Variants in SRPK2 observed in about 807,000 individuals in gnomAD.
SRPK2 encodes the protein SFRS protein kinase 2.
A neutral mutation model predicts 90.8 loss-of-function variants in SRPK2; 21 were observed. The observed-to-expected ratio is 0.23, with a 90% CI of 0.16 to 0.33. The LOEUF (loss-of-function observed/expected upper bound fraction) is 0.33. SRPK2 is among the 10% of genes least tolerant of loss of function. SRPK2 has a pLI of 1.00. For synonymous variants in SRPK2, 288 were observed against 311.1 expected (o/e 0.93, Z 0.78); for missense variants, 620 against 869.0 (o/e 0.71, Z 3.60).
At chr7:105,385,704 CAG>C (rs1821496055) in intron 2 of SRPK2, among the ~76,000 whole-genome samples, 1 of 152,188 alleles carries the variant, frequency 6.6e-6, no homozygotes, top group African/African-American at 2.4e-5. Flanking sequence ...TGCCATTTCT[CAG>C]AGAGTGGACT....
chr7:105,299,488 A>G lies in SRPK2; in HGVS notation c.71+89160T>C, dbSNP rs762089104. Among the ~76,000 whole-genome samples, 58 of 152,248 alleles carry G rather than the reference A, an allele frequency of 3.8e-4. 2 individuals carry two copies. Among genetic ancestry groups the G allele is most frequent in the Non-Finnish European group, 1.0e-4 (7 of 68,032 alleles). Reference sequence around the variant, plus strand: ...AGGAAAATTAGCAAAAGAAACATTAAGAAATTAAATATATTCATCTTTTAG... The same window carrying G: ...AGGAAAATTAGCAAAAGAAACATTAGGAAATTAAATATATTCATCTTTTAG... On this transcript the variant is annotated intron_variant, in intron 2 of 15. Coordinates refer to ENST00000393651, the MANE Select transcript of SRPK2 (RefSeq NM_182692.3).
At chr7:105,345,943 C>A (rs1816399654) in intron 2 of SRPK2, among the ~76,000 whole-genome samples, 1 of 152,268 alleles carries the variant, frequency 6.6e-6, no homozygotes. Flanking sequence ...TTTCCATAAT[C>A]ACAGAAAGTT....
intron 6 of SRPK2, among the ~76,000 whole-genome samples, chr7:105,165,724 C>T (rs974649697): frequency 1.3e-4 from 20 of 152,178 alleles, no homozygotes; most frequent in South Asian, 2.1e-4. Flanking sequence ...AACGTGGGCA[C>T]GGACAAATGA....
chr7:105,238,654 G>A (rs1800424238), intron 2 of SRPK2, among the ~76,000 whole-genome samples: 1 of 152,144 alleles, frequency 6.6e-6, no homozygotes, highest in Non-Finnish European at 1.5e-5. Context: ...TAGCCAGTCA[G>A]TTTGTATTAT....
At chr7:105,166,300 T>A (rs1790054786) in intron 6 of SRPK2, among the ~76,000 whole-genome samples, 1 of 152,240 alleles carries the variant, frequency 6.6e-6, no homozygotes, top group African/African-American at 2.4e-5. Flanking sequence ...GATTCAAATA[T>A]GTCTTTAAAA....
At chr7:105,225,538 AAG>A (rs1244972874) in intron 2 of SRPK2, among the ~76,000 whole-genome samples, 52 of 152,352 alleles carry the variant, frequency 3.4e-4, no homozygotes, top group South Asian at 2.9e-3. Flanking sequence ...AACCACTTTT[AAG>A]TATGACACAT....
intron 2 of SRPK2, among the ~76,000 whole-genome samples, chr7:105,218,206 C>G (rs1295736757): frequency 6.6e-6 from 1 of 152,148 alleles, no homozygotes; most frequent in African/African-American, 2.4e-5. Context: ...TTTTGACACC[C>G]TGGGGTGAAG....
intron 11 of SRPK2, 24 bp from the exon 12 acceptor site, chr7:105,133,128 A>G: frequency 6.2e-7 from 1 of 1,610,710 alleles, no homozygotes; most frequent in Non-Finnish European, 8.5e-7. Context: ...ACAGCAGGAC[A>G]GTTAGTGATC....
At chr7:105,201,968 A>C (rs1795616020) in intron 3 of SRPK2, among the ~76,000 whole-genome samples, 1 of 152,238 alleles carries the variant, frequency 6.6e-6, no homozygotes, top group South Asian at 2.1e-4. Flanking sequence ...CGAAGACAGT[A>C]TAAGAAATGA....
intron 2 of SRPK2, among the ~76,000 whole-genome samples, chr7:105,344,406 CCTTTTTTT>C (rs149945242): frequency 0.095 from 12,272 of 128,508 alleles, 740 homozygotes; most frequent in East Asian, 0.2. Context: ...TGCAGCCACA[CCTTTTTTT>C]TTTTTTTTTT....
chr7:105,311,196 AAAAT>A (rs560841022), intron 2 of SRPK2, among the ~76,000 whole-genome samples: 1,533 of 152,332 alleles, frequency 0.01, 11 homozygotes, highest in Middle Eastern at 0.024. Flanking sequence ...CACCAACAAA[AAAAT>A]AAATAACCCA....
At chr7:105,368,616 G>A (rs556976414) in intron 2 of SRPK2, among the ~76,000 whole-genome samples, 4 of 152,184 alleles carry the variant, frequency 2.6e-5, no homozygotes, top group East Asian at 1.9e-4. Flanking sequence ...TGGCCACGGC[G>A]GCTCAAGCCT....
intron 3 of SRPK2, among the ~76,000 whole-genome samples, chr7:105,192,634 T>C (rs190221341): frequency 3.3e-5 from 5 of 152,326 alleles, no homozygotes; most frequent in Admixed American, 6.5e-5. Flanking sequence ...CTGGTTTCCA[T>C]AGTGGCTGTA....
intron 2 of SRPK2, among the ~76,000 whole-genome samples, chr7:105,316,571 G>A (rs377641961): frequency 1.3e-5 from 2 of 152,268 alleles, no homozygotes; most frequent in African/African-American, 4.8e-5. Flanking sequence ...TTACAAATTA[G>A]ATCAAAGATA....
intron 2 of SRPK2, among the ~76,000 whole-genome samples, chr7:105,291,154 T>C (rs2131031204): frequency 6.6e-6 from 1 of 151,478 alleles, no homozygotes; most frequent in East Asian, 1.9e-4. Context: ...GTGGTTTTGG[T>C]GGCTGGCAGG....
chr7:105,368,628 T>G (rs577059600), intron 2 of SRPK2, among the ~76,000 whole-genome samples: 1 of 152,250 alleles, frequency 6.6e-6, no homozygotes, highest in East Asian at 1.9e-4. Context: ...CTCAAGCCTG[T>G]AATCCCAGCA....
chr7:105,120,009 A>G (rs1800100035), intron 15 of SRPK2, among the ~76,000 whole-genome samples: 1 of 152,232 alleles, frequency 6.6e-6, no homozygotes, highest in Non-Finnish European at 1.5e-5. Context: ...AGATTATTAA[A>G]ATGCTCATTA....
rs111832587 is a variant in SRPK2 at position 105,141,347 on chromosome 7, A to G, written c.1543+661T>C. Among the ~76,000 whole-genome samples, 275 of 152,338 alleles carry G rather than the reference A, an allele frequency of 1.8e-3. 1 individual carries two copies. Among genetic ancestry groups the G allele is most frequent in the African/African-American group, 6.0e-3 (251 of 41,578 alleles). ...TTTCAGAGCTTTTCCCCCATAAGCC[A>G]GTATGGAAACCAGCTGTGTTACCCA... On this transcript the variant is annotated intron_variant, in intron 11 of 15. Coordinates refer to ENST00000393651, the MANE Select transcript of SRPK2 (RefSeq NM_182692.3).
intron 7 of SRPK2, among the ~76,000 whole-genome samples, chr7:105,153,559 C>A (rs1806051862): frequency 1.3e-5 from 2 of 152,158 alleles, no homozygotes; most frequent in Admixed American, 1.3e-4. Flanking sequence ...GACTGTCTCC[C>A]TGGCCTTGCT....
Sources: allele counts gnomAD v4.1 joint callset (sites outside exome capture counted in the v4.1 genomes callset), GRCh38; gene constraint gnomAD v4.1.1; transcripts MANE v1.5; gene names NCBI Gene and HGNC (gene_info 2026-07-23, HGNC 2026-07-21).